EVPL: variants seen among roughly 807,000 people sequenced by gnomAD.
EVPL encodes the protein envoplakin, also known as 210 kDa cornified envelope precursor protein.
EVPL carries 94 observed loss-of-function variants against 129.7 expected under a neutral mutation model. That is an observed-to-expected ratio of 0.72 (90% CI 0.61 to 0.86). The LOEUF is 0.86. Ranked by LOEUF, EVPL falls within the 40% of genes least tolerant of loss-of-function variation. The pLI is 0.00. For missense variants in EVPL, 2,625 were observed against 2,721.1 expected (o/e 0.96, Z 0.79); for synonymous variants, 1,172 against 1,191.1 (o/e 0.98, Z 0.33).
At chr17:76,018,378 G>A in intron 12 of EVPL, 68 bp downstream of exon 12, 1 of 1,544,756 alleles carries the variant, frequency 6.5e-7, no homozygotes, top group Non-Finnish European at 8.7e-7. Flanking sequence ...TGGGCCATGG[G>A]CTTGGACACC....
chr17:76,007,585 G>C lies in EVPL; in HGVS notation c.5620C>G (p.Arg1874Gly), dbSNP rs201552354. The part of the protein sequence containing the change: ...ATGGIVDLLS[R>G]ERYSVHKAME... ...GCCTTGTGCACAGAGTAGCGCTCACGGCTGAGCAGGTCCACGATGCCCCCT... is the reference window on the plus strand; with the variant it reads ...GCCTTGTGCACAGAGTAGCGCTCACCGCTGAGCAGGTCCACGATGCCCCCT... Residue 1874 changes from arginine to glycine, a missense_variant, in exon 22 of 22, where the codon CGT becomes GGT. This residue lies in a region of EVPL where 1,453 missense variants were observed against 1,511.8 expected (regional missense o/e 0.96). Coordinates refer to ENST00000301607, the MANE Select transcript of EVPL (RefSeq NM_001988.4). This position sits in a 1 kb window ranked among gnomAD's most constrained non-coding sequence, Gnocchi z 8.8. 6 of 1,614,012 alleles carry C rather than the reference G, an allele frequency of 3.7e-6. No homozygotes were observed. The East Asian group carries it at 1.3e-4, about 36-fold the overall frequency.
In EVPL at chr17:76,014,570, C is replaced by G; in HGVS notation, c.2229G>C (p.Lys743Asn). The G allele has an allele frequency of 1.2e-5, 19 of 1,611,890 alleles. No individual in the cohort carries two copies. The highest frequency in any genetic ancestry group is 1.6e-5 in the Non-Finnish European group (19 of 1,179,512). ...AGGTGAGGGCGGCATCCTGCACCAC[C>G]TTCTCCCTGCAGGAGGACGAGGCCC... Reference protein sequence around the residue: ...AVGDQLDLREKVVQDAALTYQ... With the variant: ...AVGDQLDLRENVVQDAALTYQ... The change falls in exon 18 of 22, where the codon AAG becomes AAC. Residue 743 changes from lysine to asparagine, a missense_variant. Coordinates refer to ENST00000301607, the MANE Select transcript of EVPL (RefSeq NM_001988.4).
chr17:76,008,407 G>A lies in EVPL; in HGVS notation c.4798C>T (p.Arg1600Trp), dbSNP rs1268381073. 1.3e-6 allele frequency: 2 copies of A among 1,592,686 alleles called. No individual in the cohort carries two copies. Among genetic ancestry groups the A allele is most frequent in the African/African-American group, 1.3e-5 (1 of 74,684 alleles). Residue 1600 changes from arginine to tryptophan, a missense_variant, in exon 22 of 22, where the codon CGG becomes TGG. Physicochemically the swap from Arg to Trp is moderately radical, Grantham distance 101 (BLOSUM62 -3). Around this residue, in one of 4 missense-constraint regions of EVPL, gnomAD observed 1,453 missense variants for 1,511.8 expected, o/e 0.96. Transcript: ENST00000301607. This position sits in a 1 kb window ranked among gnomAD's most constrained non-coding sequence, Gnocchi z 7.4. ...QECGRLQQEL[R>W]ALERQKQQQT... ...TGCTGCTTCTGCCTCTCCAGAGCCC[G>A]CAGCTCCTGCTGCAGCCGCCCACAC...
chr17:76,007,129 G>T lies in EVPL; in HGVS notation c.6076C>A (p.Pro2026Thr). 1 of 1,488,180 alleles carries T rather than the reference G, an allele frequency of 6.7e-7. No homozygotes were observed. The allele number at this position is 1,488,180 out of a possible 1,614,324, so 92.2% of individuals were successfully genotyped here. A position where few individuals can be genotyped will look rare whatever the true frequency, so the allele number is the denominator to read the frequency against. ...EGYRCYRSAS[P>T]TVPRSLR The stretch of plus-strand genomic sequence containing the variant: ...CAGCGAAGGGAGCGCGGGACGGTGG[G>T]GGAGGCGGAGCGGTAGCAGCGGTAC... Residue 2026 changes from proline to threonine, a missense_variant, in exon 22 of 22, where the codon CCC becomes ACC. Physicochemically the swap from Pro to Thr is conservative, Grantham distance 38 (BLOSUM62 -1). This residue lies in a region of EVPL where 1,453 missense variants were observed against 1,511.8 expected (regional missense o/e 0.96). Transcript: ENST00000301607. The surrounding 1 kb of genome is among the most constrained non-coding windows in gnomAD (Gnocchi z 8.8).
chr17:76,012,993 C>G (rs2144411923), intron 18 of EVPL, among the ~76,000 whole-genome samples: 1 of 152,264 alleles, frequency 6.6e-6, no homozygotes, highest in East Asian at 1.9e-4. Context: ...ATCCGCCCGC[C>G]TTGGCCTCCC....
chr17:76,017,185 C>A (rs2066423756), intron 14 of EVPL, among the ~76,000 whole-genome samples: 1 of 152,194 alleles, frequency 6.6e-6, no homozygotes, highest in African/African-American at 2.4e-5. Flanking sequence ...TGCACTCCAG[C>A]CTGGGTGATG....
chr17:76,026,883 C>T lies in EVPL; in HGVS notation c.98+218G>A, dbSNP rs2066501668. On this transcript the variant is annotated intron_variant, in intron 1 of 21. Coordinates refer to ENST00000301607, the MANE Select transcript of EVPL (RefSeq NM_001988.4). ...GAGGATGTAGGGAGCCCCAGGTCAT[C>T]CCCTGCCTCCTGCCAGGGCTGAAGT... Among the ~76,000 whole-genome samples, 5 of 152,360 alleles carry T rather than the reference C, an allele frequency of 3.3e-5. No homozygotes were observed. In the South Asian group the frequency reaches 1.0e-3, roughly 32 times the overall value.
At chr17:76,016,459 G>A (rs778406507) in intron 14 of EVPL, among the ~76,000 whole-genome samples, 8 of 152,152 alleles carry the variant, frequency 5.3e-5, no homozygotes, top group Non-Finnish European at 1.2e-4. Flanking sequence ...CCCCAACACC[G>A]CTGATGTGGC....
In EVPL at chr17:76,018,977, C is replaced by T. The variant is rs755835232; in HGVS notation, c.1221G>A (p.Gln407=). 1.3e-6 allele frequency: 2 copies of T among 1,566,950 alleles called. No homozygotes were observed. The highest frequency in any genetic ancestry group is 1.2e-5 in the South Asian group (1 of 86,628). ...RRSRDVAPLP[Q]RRNPPQQPLH... ...GGGGCTGCTGAGGGGGGTTTCTTCGCTGTGGCAGAGGGGCCACATCCCGGC... is the reference window on the plus strand; with the variant it reads ...GGGGCTGCTGAGGGGGGTTTCTTCGTTGTGGCAGAGGGGCCACATCCCGGC... Residue 407 remains glutamine, a synonymous_variant, in exon 11 of 22, where the codon CAG becomes CAA. Transcript: ENST00000301607.
chr17:76,008,758 A>G lies in EVPL; in HGVS notation c.4447T>C (p.Trp1483Arg), dbSNP rs138016423. The G allele has an allele frequency of 4.0e-4, 644 of 1,614,130 alleles. 4 individuals are homozygous for G. The African/African-American group carries it at 8.0e-3, about 20-fold the overall frequency. ...DLEKSTEALR[W>R]DLDQEKTQVT... ...TGGGTCTTCTCCTGGTCCAGGTCCC[A>G]CCGCAGGGCTTCCGTGGACTTCTCC... is the stretch of plus-strand genomic sequence containing the variant. Residue 1483 changes from tryptophan to arginine, a missense_variant, in exon 22 of 22, where the codon TGG (tryptophan) becomes CGG (arginine). Trp to Arg is a moderately radical substitution (Grantham distance 101, BLOSUM62 -3). Transcript: ENST00000301607. This position sits in a 1 kb window ranked among gnomAD's most constrained non-coding sequence, Gnocchi z 7.4.
chr17:76,017,568 G>A (rs527784605), intron 14 of EVPL, among the ~76,000 whole-genome samples, 171 bp downstream of exon 14: 1 of 152,308 alleles, frequency 6.6e-6, no homozygotes, highest in South Asian at 2.1e-4. Flanking sequence ...CCTGGAGCTG[G>A]TCAGTGGAGG....
chr17:76,015,260 C>G lies in EVPL; in HGVS notation c.1995G>C (p.Pro665=), dbSNP rs763073627. 3 of 1,601,642 alleles carry G rather than the reference C, an allele frequency of 1.9e-6. No homozygotes were observed. The highest frequency in any genetic ancestry group is 2.5e-6 in the Non-Finnish European group (3 of 1,178,166). ...LVQEAPIPAE[P]GALQERVSEL... ...CGCTGACCCTCTCCTGCAGAGCCCC[C>G]GGTTCAGCAGGGATGGGGGCCTCCT... Residue 665 remains proline, a synonymous_variant, in exon 16 of 22, where the codon CCG becomes CCC. Coordinates refer to ENST00000301607, the MANE Select transcript of EVPL (RefSeq NM_001988.4).
chr17:76,008,459 C>T lies in EVPL; in HGVS notation c.4746G>A (p.Gln1582=), dbSNP rs2066341953. Residue 1582 remains glutamine, a synonymous_variant, in exon 22 of 22, where the codon CAG becomes CAA. Transcript: ENST00000301607. The surrounding 1 kb of genome is among the most constrained non-coding windows in gnomAD (Gnocchi z 7.4). Reference sequence around the variant, plus strand: ...CCTGGTCGGCCTGGTCCCGGGCCCTCTGCAGCTCGGACTCCTCCCGGGACC... The same window carrying T: ...CCTGGTCGGCCTGGTCCCGGGCCCTTTGCAGCTCGGACTCCTCCCGGGACC... The part of the protein sequence containing the change: ...RTWSREESEL[Q]RARDQADQEC... 1 of 1,594,966 alleles carries T rather than the reference C, an allele frequency of 6.3e-7. No homozygotes were observed. The highest frequency in any genetic ancestry group is 8.5e-7 in the Non-Finnish European group (1 of 1,176,162).
chr17:76,021,596 G>GAC, intron 8 of EVPL, 33 bp from the exon 9 acceptor site: 1 of 1,378,756 alleles, frequency 7.3e-7, no homozygotes, highest in South Asian at 1.3e-5. Context: ...CTCGGACCAC[G>GAC]CCCCCCCCAC....
In EVPL at chr17:76,007,097, C is replaced by G. The variant is rs776841749; in HGVS notation, c.*6G>C. The G allele has an allele frequency of 6.9e-7, 1 of 1,453,544 alleles. No individual in the cohort carries two copies. Among genetic ancestry groups the G allele is most frequent in the Non-Finnish European group, 9.1e-7 (1 of 1,102,466 alleles). 90.0% of individuals were successfully genotyped at this position (1,453,544 alleles called of 1,614,324 possible). ...ACGCACTTCCCCACTGGCTCCTTGG[C>G]CCGTGTCAGCGAAGGGAGCGCGGGA... On this transcript the variant is annotated 3_prime_UTR_variant, in exon 22 of 22. Transcript: ENST00000301607. The surrounding 1 kb of genome is among the most constrained non-coding windows in gnomAD (Gnocchi z 8.8).
intron 1 of EVPL, 134 bp downstream of exon 1, chr17:76,026,967 C>T (rs945741130): frequency 3.5e-6 from 2 of 577,584 alleles, no homozygotes; most frequent in Admixed American, 3.8e-5. Context: ...GCCCTTTGGC[C>T]TCAGGACACC....
At chr17:76,023,193 C>T in intron 4 of EVPL, 99 bp downstream of exon 4, 3 of 1,566,312 alleles carry the variant, frequency 1.9e-6, no homozygotes, top group Non-Finnish European at 2.6e-6. Context: ...CTGAGCCACC[C>T]CTACACCCTG....
chr17:76,017,242 A>G (rs2144421351), intron 14 of EVPL, among the ~76,000 whole-genome samples: 1 of 152,272 alleles, frequency 6.6e-6, no homozygotes, highest in African/African-American at 2.4e-5. Context: ...GTTTGGAAGG[A>G]TAACCCAGAC....
chr17:76,019,517 G>T lies in EVPL; in HGVS notation c.1137+11C>A, dbSNP rs566350686. The T allele has an allele frequency of 6.5e-7, 1 of 1,548,618 alleles. No homozygotes were observed. Among genetic ancestry groups the T allele is most frequent in the Non-Finnish European group, 8.7e-7 (1 of 1,153,992 alleles). On this transcript the variant is annotated intron_variant, in intron 10 of 21. Transcript: ENST00000301607. ...AAGTGGGGTGCAGACGGCCTGGTGG[G>T]GTTGTCTCACCTCCAGCTGTTGCAG... is the stretch of plus-strand genomic sequence containing the variant.
Sources: gnomAD v4.1 joint callset for allele counts (sites outside exome capture counted in the v4.1 genomes callset) on GRCh38, gnomAD v4.1.1 for gene constraint, gnomAD v4.1.1 regional missense constraint, Gnocchi (gnomAD v3.1) non-coding constraint, MANE v1.5 for transcripts, NCBI Gene and HGNC (gene_info 2026-07-23, HGNC 2026-07-21) for gene names.